HIP1: variants seen among roughly 807,000 people sequenced by gnomAD.
HIP1 encodes huntingtin-interacting protein 1.
A neutral mutation model predicts 147.6 loss-of-function variants in HIP1; 65 were observed. That is an observed-to-expected ratio of 0.44 (90% confidence interval 0.36 to 0.54). The LOEUF is 0.54. Among genes scored for constraint, HIP1 ranks in the 20% least tolerant of loss-of-function variants. HIP1 has a pLI of 0.00. For missense variants in HIP1, 1,061 were observed against 1,299.6 expected, an observed-to-expected ratio of 0.82 and a Z score of 2.82; for synonymous variants, 479 against 504.0, an observed-to-expected ratio of 0.95 and a Z score of 0.67.
chr7:75,680,620 T>C (rs1338274010), intron 1 of HIP1, among the ~76,000 whole-genome samples: 1 of 151,992 alleles, frequency 6.6e-6, no homozygotes, highest in Non-Finnish European at 1.5e-5. Flanking sequence ...TTTTTTTCTT[T>C]TTTTTTTAAG....
chr7:75,568,994 G>A lies in HIP1; in HGVS notation c.746-738C>T, dbSNP rs1795512671. ...ACTGCACTCCAGCCTGGGCGACAGT[G>A]AGACTCTGTCAAAAAAAAGAACAAG... On this transcript the variant is annotated intron_variant, in intron 8 of 30. Transcript: ENST00000336926. This position sits in a 1 kb window ranked among gnomAD's most constrained non-coding sequence, Gnocchi z 4.1. 1.3e-5 allele frequency among the ~76,000 whole-genome samples: 2 copies of A among 152,088 alleles called. No individual in the cohort carries two copies.
intron 7 of HIP1, among the ~76,000 whole-genome samples, chr7:75,580,245 C>T (rs988676327): frequency 2.0e-5 from 3 of 152,198 alleles, no homozygotes; most frequent in East Asian, 1.9e-4. Flanking sequence ...CAGTAGAAAT[C>T]GTGCCCATGA....
chr7:75,569,329 C>T (rs182669712), intron 8 of HIP1, among the ~76,000 whole-genome samples: 66 of 151,806 alleles, frequency 4.3e-4, no homozygotes, highest in African/African-American at 1.5e-3. Flanking sequence ...GATGGCTGGG[C>T]GCAGTGGCTC....
intron 1 of HIP1, among the ~76,000 whole-genome samples, chr7:75,606,840 A>C (rs1466300421): frequency 6.6e-6 from 1 of 152,202 alleles, no homozygotes; most frequent in Admixed American, 6.6e-5. Context: ...ATAAAGTCTT[A>C]CAACTCTACA....
Position 75,557,666 on chromosome 7 carries a change from C to A in HIP1, c.1569G>T (p.Gln523His). The stretch of plus-strand genomic sequence containing the variant: ...TCGTCCCACTCACCTTCCGCTGGCC[C>A]TGGTCACTGATGCGCTCCAACGAAT... ...LEDSLERISD[Q>H]GQRKTQEQLE... Residue 523 changes from glutamine (Q) to histidine (H), a missense_variant, in exon 16 of 31, where the codon CAG becomes CAT. Around this residue, in one of 3 missense-constraint regions of HIP1, gnomAD observed 810 missense variants for 946.8 expected, o/e 0.86. Transcript: ENST00000336926. 1.2e-6 allele frequency: 2 copies of A among 1,613,522 alleles called. No homozygotes were observed. Among genetic ancestry groups the A allele is most frequent in the East Asian group, 4.5e-5 (2 of 44,878 alleles).
At chr7:75,644,824 G>C (rs115914154) in intron 1 of HIP1, among the ~76,000 whole-genome samples, 3 of 152,174 alleles carry the variant, frequency 2.0e-5, no homozygotes, top group African/African-American at 7.2e-5. Flanking sequence ...CCTTAGCCAG[G>C]GTGAGGGAGA....
Position 75,575,672 on chromosome 7 carries a change from C to A in HIP1, c.605-1771G>T, listed in dbSNP as rs1259640089. On this transcript the variant is annotated intron_variant, in intron 7 of 30. Coordinates refer to ENST00000336926, the MANE Select transcript of HIP1 (RefSeq NM_005338.7). ...CCCTCCACACTAACCTCCTGCCCCC[C>A]ATCCTAGACCAAGCAACTGGCCGTC... Among the ~76,000 whole-genome samples the A allele has an allele frequency of 5.3e-5, 8 of 152,222 alleles. No homozygotes were observed. In the East Asian group the frequency reaches 1.4e-3, roughly 26 times the overall value.
chr7:75,703,809 T>G (rs1305859131), intron 1 of HIP1, among the ~76,000 whole-genome samples: 1 of 152,118 alleles, frequency 6.6e-6, no homozygotes, highest in African/African-American at 2.4e-5. Context: ...GCTTCCTAAT[T>G]GCAAATCAAA....
At chr7:75,587,211 G>T (rs1584839785) in intron 4 of HIP1, among the ~76,000 whole-genome samples, 1 of 152,264 alleles carries the variant, frequency 6.6e-6, no homozygotes, top group East Asian at 1.9e-4. Flanking sequence ...AAAAGGCTAG[G>T]ATTACACTAC....
intron 8 of HIP1, among the ~76,000 whole-genome samples, chr7:75,573,293 C>G (rs1554497025): frequency 6.6e-6 from 1 of 152,178 alleles, no homozygotes; most frequent in African/African-American, 2.4e-5. Context: ...GCTACCCACT[C>G]CATGGCCTCT....
At chr7:75,597,962 C>T (rs1023180454) in intron 2 of HIP1, among the ~76,000 whole-genome samples, 7 of 152,160 alleles carry the variant, frequency 4.6e-5, no homozygotes, top group Admixed American at 4.6e-4. Context: ...CCACAGGCTG[C>T]TCCTGGGTGT....
chr7:75,595,612 G>C (rs1371343953), intron 2 of HIP1, among the ~76,000 whole-genome samples: 2 of 152,006 alleles, frequency 1.3e-5, no homozygotes, highest in African/African-American at 4.8e-5. Flanking sequence ...CCAAAGTTCT[G>C]GGATTACAGG....
At chr7:75,679,941 G>A (rs1456642984) in intron 1 of HIP1, among the ~76,000 whole-genome samples, 1 of 152,168 alleles carries the variant, frequency 6.6e-6, no homozygotes, top group Non-Finnish European at 1.5e-5. Flanking sequence ...TCTTTCGGCT[G>A]CAGACAAAGC....
chr7:75,585,768 C>T (rs1297593119), intron 5 of HIP1, among the ~76,000 whole-genome samples: 1 of 152,008 alleles, frequency 6.6e-6, no homozygotes, highest in Non-Finnish European at 1.5e-5. Flanking sequence ...CTGTACACCC[C>T]GCAGCTGCTC....
At chr7:75,542,103 A>G (rs1167793) in intron 28 of HIP1, 123 bp from the exon 29 acceptor site, 105,635 of 792,854 alleles carry the variant, frequency 0.13, 8,276 homozygotes, top group Non-Finnish European at 0.16. Flanking sequence ...ACTGCATGAA[A>G]GTAAGTGAGG....
chr7:75,734,146 C>A (rs1801934192), intron 1 of HIP1, among the ~76,000 whole-genome samples: 1 of 151,576 alleles, frequency 6.6e-6, no homozygotes, highest in South Asian at 2.1e-4. Flanking sequence ...CTCGAGAGGC[C>A]GAGGCAGGAG....
At chr7:75,649,066 C>A (rs531034331) in intron 1 of HIP1, among the ~76,000 whole-genome samples, 1 of 151,956 alleles carries the variant, frequency 6.6e-6, no homozygotes, top group Non-Finnish European at 1.5e-5. Flanking sequence ...CTCTTGTTAC[C>A]CAGGCTGGAG....
intron 1 of HIP1, among the ~76,000 whole-genome samples, chr7:75,675,094 C>A (rs1245878431): frequency 3.3e-5 from 5 of 152,154 alleles, no homozygotes; most frequent in African/African-American, 9.6e-5. Context: ...TAGTGTCCCG[C>A]AGGTCATTAA....
chr7:75,651,624 C>T (rs782087003), intron 1 of HIP1, among the ~76,000 whole-genome samples: 6 of 152,006 alleles, frequency 3.9e-5, no homozygotes, highest in Non-Finnish European at 8.8e-5. Flanking sequence ...TTGGGTGGGT[C>T]ACTGTCAAAT....
Sources: allele counts gnomAD v4.1 joint callset (sites outside exome capture counted in the v4.1 genomes callset), GRCh38; gene constraint gnomAD v4.1.1; regional missense constraint gnomAD v4.1.1; non-coding constraint Gnocchi (gnomAD v3.1); transcripts MANE v1.5; gene names NCBI Gene and HGNC (gene_info 2026-07-23, HGNC 2026-07-21).